The following GMDS variants were observed in gnomAD, a reference collection of about 807,000 sequenced individuals.
GMDS encodes GDP-mannose 4,6 dehydratase.
Under a neutral mutation model 49.9 loss-of-function variants are expected in GMDS, and 20 were observed. The ratio of observed to expected loss-of-function variants is 0.40; its 90% CI spans 0.28 to 0.58. The LOEUF is 0.58. Ranked by LOEUF, GMDS falls within the 20% of genes least tolerant of loss-of-function variation. The pLI is 0.42. For synonymous variants in GMDS, 177 were observed against 178.6 expected (o/e 0.99, Z 0.07); for missense variants, 362 against 481.4 (o/e 0.75, Z 2.32).
At chr6:1,737,502 C>A (rs1767040597) in intron 8 of GMDS, among the ~76,000 whole-genome samples, 1 of 143,868 alleles carries the variant, frequency 7.0e-6, no homozygotes, top group Non-Finnish European at 1.5e-5. Context: ...CACACACAAA[C>A]ACACACACAC....
At chr6:1,935,357 G>A (rs1762476733) in intron 6 of GMDS, among the ~76,000 whole-genome samples, 1 of 152,178 alleles carries the variant, frequency 6.6e-6, no homozygotes, top group Non-Finnish European at 1.5e-5. Flanking sequence ...GTAAAATAAG[G>A]ATAGTAATAG....
intron 7 of GMDS, among the ~76,000 whole-genome samples, chr6:1,776,053 C>T (rs1056096208): frequency 3.3e-5 from 5 of 152,172 alleles, no homozygotes; most frequent in African/African-American, 7.2e-5. Context: ...CTGCTACCGT[C>T]GTGGAATGAC....
intron 4 of GMDS, among the ~76,000 whole-genome samples, chr6:1,996,278 C>A (rs1766275310): frequency 6.6e-6 from 1 of 152,136 alleles, no homozygotes; most frequent in African/African-American, 2.4e-5. Context: ...CTTACAGTGT[C>A]CAGCTGCTGG....
intron 9 of GMDS, among the ~76,000 whole-genome samples, chr6:1,683,896 A>G (rs559459819): frequency 1.3e-5 from 2 of 152,226 alleles, no homozygotes; most frequent in South Asian, 4.2e-4. Context: ...CTGTAATAGA[A>G]AGAGGGTGGG....
intron 7 of GMDS, among the ~76,000 whole-genome samples, chr6:1,763,877 TG>T (rs754390539): frequency 1.2e-4 from 18 of 152,166 alleles, no homozygotes; most frequent in Non-Finnish European, 2.4e-4. Context: ...GTCTCCACAC[TG>T]GGGGCACAGG....
At chr6:1,639,126 G>A (rs914366418) in intron 9 of GMDS, among the ~76,000 whole-genome samples, 3 of 152,252 alleles carry the variant, frequency 2.0e-5, no homozygotes, top group South Asian at 2.1e-4. Context: ...CTGTGGATAC[G>A]GGGAGAGGGC....
intron 1 of GMDS, among the ~76,000 whole-genome samples, chr6:2,127,327 A>G (rs1368434250): frequency 2.0e-5 from 3 of 152,208 alleles, no homozygotes; most frequent in African/African-American, 7.2e-5. Flanking sequence ...GTTTTGAAGC[A>G]GGCAACACTA....
rs1405765331 is a variant in GMDS at position 1,960,803 on chromosome 6, G to A, written c.509C>T (p.Thr170Ile). The stretch of plus-strand genomic sequence containing the variant: ...GGGTGACCGGGGATAGAAAGGGGTG[G>A]TCTCCTTCTGGGGTATTTCCTGCAC... ...GKVQEIPQKETTPFYPRSPYG... is the reference protein window; with the variant it reads ...GKVQEIPQKEITPFYPRSPYG... The change falls in exon 5 of 11, where the codon ACC becomes ATC. Residue 170 changes from threonine to isoleucine, a missense_variant. Physicochemically the swap from Thr to Ile is moderately conservative, Grantham distance 89. Coordinates refer to ENST00000380815, the MANE Select transcript of GMDS (RefSeq NM_001500.4). 3 of 1,605,272 alleles carry A rather than the reference G, an allele frequency of 1.9e-6. No homozygotes were observed. The highest frequency in any genetic ancestry group is 2.2e-5 in the East Asian group (1 of 44,734).
chr6:1,831,173 C>T (rs1224389452), intron 7 of GMDS, among the ~76,000 whole-genome samples: 2 of 152,194 alleles, frequency 1.3e-5, no homozygotes, highest in African/African-American at 4.8e-5. Context: ...GCTTTCTTCC[C>T]TCTAAATCAT....
chr6:1,743,096 G>C (rs939219718), intron 7 of GMDS, among the ~76,000 whole-genome samples: 2 of 152,156 alleles, frequency 1.3e-5, no homozygotes, highest in Admixed American at 6.5e-5. Flanking sequence ...GAAGGTACTA[G>C]TCAAAAAACA....
At chr6:1,914,147 T>TG (rs1218861158) in intron 7 of GMDS, among the ~76,000 whole-genome samples, 1 of 147,850 alleles carries the variant, frequency 6.8e-6, no homozygotes, top group African/African-American at 2.5e-5. Context: ...TTTTTTTTTT[T>TG]TTTTTTTTTT....
intron 4 of GMDS, among the ~76,000 whole-genome samples, chr6:2,091,795 C>T (rs370494878): frequency 6.6e-6 from 1 of 151,678 alleles, no homozygotes; most frequent in Non-Finnish European, 1.5e-5. Flanking sequence ...CCCAGCTACT[C>T]GGGAGACTGA....
At chr6:1,840,566 G>C (rs1281296177) in intron 7 of GMDS, among the ~76,000 whole-genome samples, 1 of 152,138 alleles carries the variant, frequency 6.6e-6, no homozygotes, top group Admixed American at 6.5e-5. Context: ...GAGGAAAGAG[G>C]GCAAGAGACG....
At chr6:1,977,332 C>T (rs953573639) in intron 4 of GMDS, among the ~76,000 whole-genome samples, 14 of 152,232 alleles carry the variant, frequency 9.2e-5, no homozygotes, top group African/African-American at 3.4e-4. Context: ...TAAGCCTCAG[C>T]TTCTTTCTCC....
chr6:2,135,548 T>A (rs1775951148), intron 1 of GMDS, among the ~76,000 whole-genome samples: 1 of 150,714 alleles, frequency 6.6e-6, no homozygotes, highest in Non-Finnish European at 1.5e-5. Flanking sequence ...TTCCTACATT[T>A]GAGTTTCTAT....
intron 9 of GMDS, among the ~76,000 whole-genome samples, chr6:1,718,866 T>C (rs1766268043): frequency 6.6e-6 from 1 of 151,922 alleles, no homozygotes; most frequent in African/African-American, 2.4e-5. Flanking sequence ...TAAATGTGCA[T>C]GGTCAATGTA....
At chr6:2,242,491 T>C (rs1781657672) in intron 1 of GMDS, among the ~76,000 whole-genome samples, 1 of 152,278 alleles carries the variant, frequency 6.6e-6, no homozygotes, top group Non-Finnish European at 1.5e-5. Flanking sequence ...CAGGACACCC[T>C]GGCTGTCCGC....
At chr6:2,110,300 T>G (rs1191167352) in intron 4 of GMDS, among the ~76,000 whole-genome samples, 1 of 139,322 alleles carries the variant, frequency 7.2e-6, no homozygotes, top group Non-Finnish European at 1.5e-5. Context: ...AATATGGGGG[T>G]CAGCTATTAA....
At chr6:1,809,607 T>G (rs901237638) in intron 7 of GMDS, among the ~76,000 whole-genome samples, 8 of 152,054 alleles carry the variant, frequency 5.3e-5, no homozygotes, top group Non-Finnish European at 8.8e-5. Flanking sequence ...TATAAATTAC[T>G]CAAAGGAGAT....
Sources: gnomAD v4.1 joint callset for allele counts (sites outside exome capture counted in the v4.1 genomes callset) on GRCh38, gnomAD v4.1.1 for gene constraint, MANE v1.5 for transcripts, NCBI Gene and HGNC (gene_info 2026-07-23, HGNC 2026-07-21) for gene names.